MLLT10: variants seen among roughly 807,000 people sequenced by gnomAD.
The protein encoded by MLLT10 is MLLT10 histone lysine methyltransferase DOT1L cofactor.
MLLT10 carries 30 observed loss-of-function variants against 129.1 expected under a neutral mutation model. That is an observed-to-expected ratio of 0.23 (90% CI 0.17 to 0.32). MLLT10 has a LOEUF of 0.32. Among genes scored for constraint, MLLT10 ranks in the 10% least tolerant of loss-of-function variants. The pLI, the probability that MLLT10 is intolerant of heterozygous loss-of-function variation, is 1.00. For missense variants in MLLT10, 1,119 were observed against 1,268.3 expected, an observed-to-expected ratio of 0.88 and a Z score of 1.79; for synonymous variants, 490 against 446.4, an observed-to-expected ratio of 1.10 and a Z score of -1.23.
Position 21,689,661 on chromosome 10 carries a change from A to AT in MLLT10, c.1699+7414dup, listed in dbSNP as rs58409865. ...CACATTTATATATATATATATATATATTTTTTTTTTCTTGGCATGTTTTAC... is the reference window on the plus strand; with the variant it reads ...CACATTTATATATATATATATATATATTTTTTTTTTTCTTGGCATGTTTTAC... On this transcript the variant is annotated intron_variant, in intron 13 of 22. Coordinates refer to ENST00000307729, the MANE Select transcript of MLLT10 (RefSeq NM_001195626.3). 8.1e-3 allele frequency among the ~76,000 whole-genome samples: 1,068 copies of AT among 132,336 alleles called. 5 individuals are homozygous for AT. Among genetic ancestry groups the AT allele is most frequent in the South Asian group, 0.013 (58 of 4,314 alleles). The allele number at this position is 132,336 out of a possible 152,430, so 86.8% of individuals were successfully genotyped here.
chr10:21,728,991 A>C (rs2057739638), intron 16 of MLLT10, among the ~76,000 whole-genome samples: 1 of 151,952 alleles, frequency 6.6e-6, no homozygotes, highest in Middle Eastern at 3.2e-3. Context: ...AGATTAGTTC[A>C]GTAACCACTA....
intron 8 of MLLT10, among the ~76,000 whole-genome samples, chr10:21,642,040 A>G (rs894150252): frequency 2.6e-5 from 4 of 152,196 alleles, no homozygotes; most frequent in African/African-American, 4.8e-5. Context: ...CTTAAGAATG[A>G]GGAGAACAGC....
rs1337846906 is a variant in MLLT10 at position 21,742,155 on chromosome 10, G to A, written c.*172G>A. ...TAAGGCTTTGATTAGTTTTCTTGTT[G>A]CTTTGTTGCACTGAAATGGAATTCC... On this transcript the variant is annotated 3_prime_UTR_variant, in exon 23 of 23. Transcript: ENST00000307729. The A allele has an allele frequency of 1.7e-6, 1 of 591,346 alleles. No homozygotes were observed. Among genetic ancestry groups the A allele is most frequent in the Non-Finnish European group, 2.9e-6 (1 of 350,658 alleles). 36.6% of individuals were successfully genotyped at this position (591,346 alleles called of 1,614,324 possible). A position where few individuals can be genotyped will look rare whatever the true frequency, so the allele number is the denominator to read the frequency against.
At chr10:21,657,497 A>G (rs1247319660) in intron 9 of MLLT10, among the ~76,000 whole-genome samples, 3 of 151,328 alleles carry the variant, frequency 2.0e-5, no homozygotes, top group Admixed American at 6.6e-5. Context: ...GTAGATGCTT[A>G]TAAGCCACAG....
chr10:21,627,605 TTCTG>T (rs1440204854), intron 8 of MLLT10, among the ~76,000 whole-genome samples: 1 of 152,244 alleles, frequency 6.6e-6, no homozygotes, highest in Non-Finnish European at 1.5e-5. Context: ...AGGTATTGCC[TTCTG>T]TCTTTCTTAG....
Position 21,733,031 on chromosome 10 carries a change from C to A in MLLT10, c.2351C>A (p.Thr784Lys). The A allele has an allele frequency of 6.2e-7, 1 of 1,613,794 alleles. No individual in the cohort carries two copies. Among genetic ancestry groups the A allele is most frequent in the Non-Finnish European group, 8.5e-7 (1 of 1,179,856 alleles). Residue 784 changes from threonine (T) to lysine (K), a missense_variant, in exon 18 of 23, where the codon ACA becomes AAA. By Grantham distance (78) the Thr-to-Lys change is moderately conservative. Coordinates refer to ENST00000307729, the MANE Select transcript of MLLT10 (RefSeq NM_001195626.3). Reference sequence around the variant, plus strand: ...GCACAGCTTTCAGTGCCTTTTCCAACAATAACAGCAAATCCTAGTCCGTCT... The same window carrying A: ...GCACAGCTTTCAGTGCCTTTTCCAAAAATAACAGCAAATCCTAGTCCGTCT... ...LNAQLSVPFP[T>K]ITANPSPSHQ... is the part of the protein sequence containing the mutation.
intron 3 of MLLT10, among the ~76,000 whole-genome samples, chr10:21,571,690 T>C (rs1177969745): frequency 1.3e-5 from 2 of 152,372 alleles, no homozygotes; most frequent in Non-Finnish European, 2.9e-5. Context: ...TTTTTCATGA[T>C]AACTGATGAT....
intron 14 of MLLT10, among the ~76,000 whole-genome samples, chr10:21,717,701 T>TTCCTCC (rs1431213350): frequency 8.5e-5 from 2 of 23,394 alleles, no homozygotes; most frequent in African/African-American, 4.2e-4. Flanking sequence ...CCTCCTCCTC[T>TTCCTCC]TCCTCCTCCT....
At chr10:21,569,537 C>A (rs756715818) in intron 3 of MLLT10, among the ~76,000 whole-genome samples, 5 of 151,634 alleles carry the variant, frequency 3.3e-5, no homozygotes, top group Non-Finnish European at 5.9e-5. Flanking sequence ...TCTCCTGCCT[C>A]AGCCTCCCGA....
intron 3 of MLLT10, among the ~76,000 whole-genome samples, chr10:21,539,949 A>G (rs932491627): frequency 6.2e-5 from 9 of 145,680 alleles, no homozygotes; most frequent in South Asian, 2.2e-4. Context: ...TCAGGAAAGG[A>G]AAAAAAAAAA....
intron 6 of MLLT10, among the ~76,000 whole-genome samples, chr10:21,613,192 C>CAAA (rs993493277): frequency 0.018 from 433 of 24,618 alleles, 35 homozygotes; most frequent in African/African-American, 0.056. Context: ...GACTCTGTCT[C>CAAA]AAAAAAAAAA....
Position 21,645,071 on chromosome 10 carries a change from T to C in MLLT10, c.700-6602T>C, listed in dbSNP as rs373242315. 3.1e-4 allele frequency among the ~76,000 whole-genome samples: 47 copies of C among 152,318 alleles called. 2 individuals carry two copies. The highest frequency in any genetic ancestry group is 1.1e-3 in the African/African-American group (44 of 41,578). On this transcript the variant is annotated intron_variant, in intron 8 of 22. Coordinates refer to ENST00000307729, the MANE Select transcript of MLLT10 (RefSeq NM_001195626.3). ...TACTCTTTAGGCAGAAAAAGTAGTTTAGTAGGTAGGAACATATAAAATCAC... is the reference window on the plus strand; with the variant it reads ...TACTCTTTAGGCAGAAAAAGTAGTTCAGTAGGTAGGAACATATAAAATCAC...
chr10:21,560,687 A>G lies in MLLT10; in HGVS notation c.240+21775A>G, dbSNP rs368712020. On this transcript the variant is annotated intron_variant, in intron 3 of 22. Coordinates refer to ENST00000307729, the MANE Select transcript of MLLT10 (RefSeq NM_001195626.3). ...GGTTTTGAACTTCTGGACTCAAGCA[A>G]TTCTCCTGCCTGAGCCTCCCCAAAG... 7.9e-5 allele frequency among the ~76,000 whole-genome samples: 12 copies of G among 152,198 alleles called. No homozygotes were observed. The East Asian group carries it at 1.4e-3, about 17-fold the overall frequency.
At chr10:21,687,364 G>T (rs2053408584) in intron 13 of MLLT10, among the ~76,000 whole-genome samples, 1 of 152,154 alleles carries the variant, frequency 6.6e-6, no homozygotes, top group Non-Finnish European at 1.5e-5. Context: ...CATGAAGTGG[G>T]ATGAGTAATA....
At chr10:21,689,029 C>T (rs999713467) in intron 13 of MLLT10, among the ~76,000 whole-genome samples, 1 of 152,164 alleles carries the variant, frequency 6.6e-6, no homozygotes, top group South Asian at 2.1e-4. Context: ...TATGCATCCA[C>T]TCATTTCCCT....
At chr10:21,727,979 T>C (rs2057656520) in intron 16 of MLLT10, 51 bp downstream of exon 16, 3 of 1,516,852 alleles carry the variant, frequency 2.0e-6, no homozygotes, top group Non-Finnish European at 2.7e-6. Flanking sequence ...GTTTGAGATT[T>C]GGAAACTTTC....
At chr10:21,614,204 C>A (rs1401479136) in intron 6 of MLLT10, among the ~76,000 whole-genome samples, 8 of 109,424 alleles carry the variant, frequency 7.3e-5, no homozygotes, top group Non-Finnish European at 1.4e-4. Context: ...GGTGACAGAA[C>A]GAAACCCTGT....
At chr10:21,602,065 T>C (rs1452952585) in intron 5 of MLLT10, among the ~76,000 whole-genome samples, 1 of 152,170 alleles carries the variant, frequency 6.6e-6, no homozygotes, top group Non-Finnish European at 1.5e-5. Context: ...ACTGACTCAA[T>C]GTCTCAGTCC....
At chr10:21,608,928 T>C (rs536867259) in intron 5 of MLLT10, among the ~76,000 whole-genome samples, 2 of 152,222 alleles carry the variant, frequency 1.3e-5, no homozygotes, top group Non-Finnish European at 2.9e-5. Flanking sequence ...TATTTTTTAA[T>C]TTTTTTGTTG....
Sources: gnomAD v4.1 joint callset for allele counts (sites outside exome capture counted in the v4.1 genomes callset) on GRCh38, gnomAD v4.1.1 for gene constraint, MANE v1.5 for transcripts, NCBI Gene and HGNC (gene_info 2026-07-23, HGNC 2026-07-21) for gene names.